Variants in SCGB2B2 observed in about 807,000 individuals in gnomAD.
SCGB2B2 encodes the protein secretoglobin family 2B member 2.
SCGB2B2 carries 11 observed loss-of-function variants against 7.6 expected under a neutral mutation model. That is an observed-to-expected ratio of 1.45 (90% confidence interval 0.91 to 2.40). The LOEUF (loss-of-function observed/expected upper bound fraction) is 2.40. Ranked by LOEUF, SCGB2B2 falls within the 30% of genes most tolerant of loss-of-function variation. The pLI, the probability that SCGB2B2 is intolerant of heterozygous loss-of-function variation, is 0.00. For synonymous variants in SCGB2B2, 50 were observed against 48.6 expected (o/e 1.03, Z -0.12); for missense variants, 104 against 115.4 (o/e 0.90, Z 0.45).
chr19:34,665,084 GCT>G (rs2067578118), intron 1 of SCGB2B2, among the ~76,000 whole-genome samples: 1 of 152,122 alleles, frequency 6.6e-6, no homozygotes, highest in African/African-American at 2.4e-5. Flanking sequence ...CCTGGGCCCT[GCT>G]CTCTGCCACC....
At chr19:34,641,813 T>C (rs931226734) in intron 1 of SCGB2B2, among the ~76,000 whole-genome samples, 6 of 152,184 alleles carry the variant, frequency 3.9e-5, no homozygotes, top group African/African-American at 1.4e-4. Context: ...TATATTTCTT[T>C]GACATATTTT....
chr19:34,634,687 C>G (rs2066626842), intron 1 of SCGB2B2, among the ~76,000 whole-genome samples: 1 of 152,102 alleles, frequency 6.6e-6, no homozygotes, highest in Admixed American at 6.6e-5. Flanking sequence ...AGCCTTTTCT[C>G]CAGTGTGATT....
intron 1 of SCGB2B2, among the ~76,000 whole-genome samples, chr19:34,657,243 G>A (rs1289722128): frequency 6.6e-6 from 1 of 151,144 alleles, no homozygotes; most frequent in African/African-American, 2.5e-5. Context: ...AAATACATAT[G>A]TATTACCAAC....
chr19:34,675,388 C>G (rs1362108724), intron 1 of SCGB2B2, among the ~76,000 whole-genome samples: 2 of 152,196 alleles, frequency 1.3e-5, no homozygotes, highest in Non-Finnish European at 2.9e-5. Context: ...ACCACACCCA[C>G]AGGATACACC....
At chr19:34,674,222 G>A (rs2067868297) in intron 1 of SCGB2B2, among the ~76,000 whole-genome samples, 1 of 152,196 alleles carries the variant, frequency 6.6e-6, no homozygotes, top group South Asian at 2.1e-4. Flanking sequence ...ACTGAGCAGG[G>A]ACTTTATGTC....
At chr19:34,656,707 T>C (rs2067292400) in intron 1 of SCGB2B2, among the ~76,000 whole-genome samples, 3 of 151,390 alleles carry the variant, frequency 2.0e-5, no homozygotes, top group Non-Finnish European at 4.4e-5. Flanking sequence ...TCTTATGTAA[T>C]GGTGAAATAT....
intron 1 of SCGB2B2, among the ~76,000 whole-genome samples, chr19:34,605,967 T>C (rs2065764701): frequency 6.6e-6 from 1 of 152,122 alleles, no homozygotes; most frequent in South Asian, 2.1e-4. Context: ...TTACTGGAAA[T>C]AAGATTACCC....
At chr19:34,619,017 G>A (rs57329665) in intron 1 of SCGB2B2, among the ~76,000 whole-genome samples, 2,130 of 152,230 alleles carry the variant, frequency 0.014, 35 homozygotes, top group African/African-American at 0.048. Flanking sequence ...TAGACCAAAT[G>A]TCTAAATTTT....
intron 1 of SCGB2B2, among the ~76,000 whole-genome samples, chr19:34,659,939 T>C (rs915319513): frequency 1.3e-5 from 2 of 152,160 alleles, no homozygotes; most frequent in South Asian, 2.1e-4. Context: ...AACAGATATA[T>C]AGACCAATGG....
chr19:34,673,737 G>A (rs924304958), intron 1 of SCGB2B2, among the ~76,000 whole-genome samples: 1 of 152,144 alleles, frequency 6.6e-6, no homozygotes, highest in Non-Finnish European at 1.5e-5. Flanking sequence ...TATTGTTACG[G>A]GTATTGGGAC....
chr19:34,628,810 A>G (rs537082027), intron 1 of SCGB2B2, among the ~76,000 whole-genome samples: 1 of 152,032 alleles, frequency 6.6e-6, no homozygotes, highest in East Asian at 1.9e-4. Flanking sequence ...CAGAGACACA[A>G]CAACAAAAAA....
chr19:34,592,013 ACTT>A lies in SCGB2B2; in HGVS notation c.*1539_*1541del, dbSNP rs2145724437. 6.6e-6 allele frequency among the ~76,000 whole-genome samples: 1 copy of A among 152,322 alleles called. No homozygotes were observed. Among genetic ancestry groups the A allele is most frequent in the African/African-American group, 2.4e-5 (1 of 41,584 alleles). On this transcript the variant is annotated 3_prime_UTR_variant, in exon 4 of 4. Coordinates refer to ENST00000601241, the MANE Select transcript of SCGB2B2 (RefSeq NM_001025591.4). ...AAGGGCCTGATGTGTGGCAGGGGAC[ACTT>A]CTTCCCTGGCTGAGTGGATGGGTGA...
chr19:34,617,068 A>T (rs1331133551), intron 1 of SCGB2B2, among the ~76,000 whole-genome samples: 2 of 152,184 alleles, frequency 1.3e-5, no homozygotes, highest in Non-Finnish European at 2.9e-5. Flanking sequence ...TACCAGTACC[A>T]TGCTGTTTTG....
At chr19:34,612,124 G>T (rs117775783) in intron 1 of SCGB2B2, among the ~76,000 whole-genome samples, 1 of 131,226 alleles carries the variant, frequency 7.6e-6, no homozygotes, top group African/African-American at 3.0e-5. Context: ...TGCAATATCC[G>T]CCTCCTGGAT....
chr19:34,600,348 A>T (rs2065589167), intron 1 of SCGB2B2, among the ~76,000 whole-genome samples: 3 of 152,184 alleles, frequency 2.0e-5, no homozygotes, highest in Non-Finnish European at 4.4e-5. Context: ...ACAACACTGT[A>T]GGGAGCTTTC....
In SCGB2B2 at chr19:34,617,161, G is replaced by A. The variant is rs559299606; in HGVS notation, c.-2031-20567C>T. On this transcript the variant is annotated intron_variant, in intron 1 of 3. Coordinates refer to ENST00000601241, the MANE Select transcript of SCGB2B2 (RefSeq NM_001025591.4). ...TCTTTTGGCTTAGGATTGACTTGGC[G>A]ATGTGGGCTCTTTTTTGCTTCCATA... 4.4e-4 allele frequency among the ~76,000 whole-genome samples: 67 copies of A among 152,240 alleles called. No individual in the cohort carries two copies. The East Asian group carries it at 5.0e-3, about 11-fold the overall frequency.
intron 1 of SCGB2B2, among the ~76,000 whole-genome samples, chr19:34,634,568 C>A (rs1329673183): frequency 6.6e-6 from 1 of 152,162 alleles, no homozygotes; most frequent in East Asian, 1.9e-4. Flanking sequence ...ACTTTCAGAG[C>A]TTCTGTCCGG....
intron 1 of SCGB2B2, among the ~76,000 whole-genome samples, chr19:34,667,111 AGATCAGG>A (rs975101954): frequency 2.0e-5 from 3 of 151,886 alleles, no homozygotes; most frequent in African/African-American, 7.3e-5. Flanking sequence ...ACCTCCTTTG[AGATCAGG>A]GACTCTGTTC....
intron 1 of SCGB2B2, among the ~76,000 whole-genome samples, chr19:34,656,378 C>T (rs187162814): frequency 2.0e-5 from 3 of 151,300 alleles, no homozygotes; most frequent in Non-Finnish European, 4.4e-5. Flanking sequence ...CCGAGGTGGG[C>T]AGATCACTTG....
Sources: allele counts gnomAD v4.1 joint callset (sites outside exome capture counted in the v4.1 genomes callset), GRCh38; gene constraint gnomAD v4.1.1; transcripts MANE v1.5; gene names NCBI Gene and HGNC (gene_info 2026-07-23, HGNC 2026-07-21).